The following GPBP1L1 variants were observed in gnomAD, a reference collection of about 807,000 sequenced individuals.
GPBP1L1 encodes the protein vasculin-like protein 1.
In GPBP1L1, 23 loss-of-function variants were observed where a neutral mutation model predicts 52.5. The ratio of observed to expected loss-of-function variants is 0.44; its 90% CI spans 0.32 to 0.62. GPBP1L1 has a LOEUF of 0.62. Among genes scored for constraint, GPBP1L1 ranks in the 20% least tolerant of loss-of-function variants. GPBP1L1 has a pLI of 0.06. For missense variants in GPBP1L1, 596 were observed against 579.3 expected, an observed-to-expected ratio of 1.03 and a Z score of -0.30; for synonymous variants, 243 against 203.1, an observed-to-expected ratio of 1.20 and a Z score of -1.67.
At chr1:45,658,044 C>G (rs1380796127) in intron 4 of GPBP1L1, among the ~76,000 whole-genome samples, 2 of 152,152 alleles carry the variant, frequency 1.3e-5, no homozygotes, top group East Asian at 3.8e-4. Context: ...TTTAAGTTTA[C>G]TAGCTTCCCA....
At chr1:45,673,525 A>C (rs1645100250) in intron 2 of GPBP1L1, among the ~76,000 whole-genome samples, 1 of 152,208 alleles carries the variant, frequency 6.6e-6, no homozygotes, top group Non-Finnish European at 1.5e-5. Flanking sequence ...CTTGTCACCC[A>C]TGAAGCTGAC....
chr1:45,665,874 C>T (rs1319092332), intron 2 of GPBP1L1, among the ~76,000 whole-genome samples: 2 of 151,718 alleles, frequency 1.3e-5, no homozygotes. Flanking sequence ...TTTTTAGGCA[C>T]TACTAGTCTC....
intron 2 of GPBP1L1, among the ~76,000 whole-genome samples, chr1:45,667,153 A>G (rs886828619): frequency 6.6e-6 from 1 of 152,186 alleles, no homozygotes; most frequent in African/African-American, 2.4e-5. Context: ...ACTTCATGCC[A>G]TGGAATTGCA....
At chr1:45,632,340 T>C (rs760261699) in intron 10 of GPBP1L1, among the ~76,000 whole-genome samples, 1 of 151,886 alleles carries the variant, frequency 6.6e-6, no homozygotes, top group Admixed American at 6.6e-5. Flanking sequence ...AAGGCGGTGG[T>C]TGCAGTAAGC....
intron 8 of GPBP1L1, among the ~76,000 whole-genome samples, chr1:45,637,944 G>A (rs1486495215): frequency 6.6e-6 from 1 of 152,304 alleles, no homozygotes; most frequent in Non-Finnish European, 1.5e-5. Flanking sequence ...GGGAAGTGAA[G>A]AAACTTGCTC....
In GPBP1L1 at chr1:45,645,917, G is replaced by T. The variant is rs561238714; in HGVS notation, c.478-3418C>A. On this transcript the variant is annotated intron_variant, in intron 6 of 12. Coordinates refer to ENST00000355105, the MANE Select transcript of GPBP1L1 (RefSeq NM_021639.5). ...GCTGTCAATATGACGAAGTCAAATG[G>T]TTGGGATAGAAGCAGATTGTTCTGC... 103 of 496,450 alleles carry T rather than the reference G, an allele frequency of 2.1e-4. 1 individual carries two copies. The highest frequency in any genetic ancestry group is 1.8e-3 in the African/African-American group (92 of 50,490). 30.8% of individuals were successfully genotyped at this position (496,450 alleles called of 1,614,324 possible). A position where few individuals can be genotyped will look rare whatever the true frequency, so the allele number is the denominator to read the frequency against.
intron 4 of GPBP1L1, among the ~76,000 whole-genome samples, chr1:45,657,521 G>C (rs565774951): frequency 1.8e-4 from 27 of 152,222 alleles, no homozygotes; most frequent in African/African-American, 5.5e-4. Context: ...GGGCAACAGA[G>C]TAAGACCCCG....
At chr1:45,687,788 C>T (rs1398094320), upstream of GPBP1L1, 1 of 152,150 alleles carries the variant, frequency 6.6e-6, no homozygotes. Context: ...GCTTTTTTCC[C>T]CCTCTAAATG....
intron 8 of GPBP1L1, among the ~76,000 whole-genome samples, chr1:45,637,579 G>A (rs1004382974): frequency 8.2e-6 from 1 of 121,936 alleles, no homozygotes; most frequent in Non-Finnish European, 1.8e-5. Context: ...ACTCACAACA[G>A]GGCTAAAGTG....
intron 8 of GPBP1L1, among the ~76,000 whole-genome samples, chr1:45,638,425 T>C (rs971293989): frequency 6.6e-6 from 1 of 152,226 alleles, no homozygotes; most frequent in Non-Finnish European, 1.5e-5. Flanking sequence ...ACTAAGGTTT[T>C]TTCTCAGTTA....
At chr1:45,671,956 T>C (rs1645078425) in intron 2 of GPBP1L1, among the ~76,000 whole-genome samples, 1 of 152,246 alleles carries the variant, frequency 6.6e-6, no homozygotes, top group African/African-American at 2.4e-5. Flanking sequence ...GACATCTTCA[T>C]AATAAATCTT....
intron 2 of GPBP1L1, among the ~76,000 whole-genome samples, chr1:45,669,509 A>G (rs1002566977): frequency 2.0e-5 from 3 of 152,256 alleles, no homozygotes; most frequent in Non-Finnish European, 2.9e-5. Context: ...ACTTTTGACC[A>G]GCCTTGTTTA....
At chr1:45,635,686 GTTTT>G (rs990609675) in intron 8 of GPBP1L1, 1 of 151,946 alleles carries the variant, frequency 6.6e-6, no homozygotes, top group Non-Finnish European at 1.5e-5. Context: ...TGTATAACCA[GTTTT>G]TTTTGTTGTT....
chr1:45,680,558 T>A (rs6662164), intron 2 of GPBP1L1, among the ~76,000 whole-genome samples: 50,206 of 151,526 alleles, frequency 0.33, 8,458 homozygotes, highest in South Asian at 0.38. Flanking sequence ...TTTTTTTTTT[T>A]AAAAAGAATC....
At chr1:45,629,466 C>T (rs1050945555) in intron 12 of GPBP1L1, 110 bp downstream of exon 12, 3 of 152,624 alleles carry the variant, frequency 2.0e-5, no homozygotes, top group Non-Finnish European at 4.3e-5. Flanking sequence ...CCCCCCCCCC[C>T]CACCCGATCT....
chr1:45,676,710 CAAAAAA>C (rs1189531708), intron 2 of GPBP1L1, among the ~76,000 whole-genome samples: 4 of 63,266 alleles, frequency 6.3e-5, no homozygotes, highest in East Asian at 4.9e-4. Context: ...AACTCTGTCT[CAAAAAA>C]AAAAAAAAAA....
In GPBP1L1 at chr1:45,628,115, GCT is replaced by G. The variant is rs1278602297; in HGVS notation, c.*139_*140del. 9 of 832,502 alleles carry G rather than the reference GCT, an allele frequency of 1.1e-5. No homozygotes were observed. The highest frequency in any genetic ancestry group is 1.0e-4 in the African/African-American group (6 of 58,912). 51.6% of individuals were successfully genotyped at this position (832,502 alleles called of 1,614,324 possible). A position where few individuals can be genotyped will look rare whatever the true frequency, so the allele number is the denominator to read the frequency against. ...ATAACAAAAGCAAAACAAGCCAATT[GCT>G]CTCTCTTTGGGATATGATTATTTCC... On this transcript the variant is annotated 3_prime_UTR_variant, in exon 13 of 13. Transcript: ENST00000355105.
chr1:45,636,319 C>T (rs1025384768), intron 8 of GPBP1L1, among the ~76,000 whole-genome samples: 2 of 152,128 alleles, frequency 1.3e-5, no homozygotes, highest in African/African-American at 4.8e-5. Context: ...AGACTCAGTA[C>T]TCTTCTTCTT....
intron 8 of GPBP1L1, chr1:45,635,003 C>T (rs1478520354): frequency 6.6e-6 from 1 of 152,114 alleles, no homozygotes; most frequent in Non-Finnish European, 1.5e-5. Flanking sequence ...GACAAAGGGG[C>T]CTGAGTGAAA....
Sources: gnomAD v4.1 joint callset for allele counts (sites outside exome capture counted in the v4.1 genomes callset) on GRCh38, gnomAD v4.1.1 for gene constraint, MANE v1.5 for transcripts, NCBI Gene and HGNC (gene_info 2026-07-23, HGNC 2026-07-21) for gene names.